The following LRRC7 variants were observed in gnomAD, a reference collection of about 807,000 sequenced individuals.
The protein encoded by LRRC7 is leucine rich repeat containing 7.
In LRRC7, 23 loss-of-function variants were observed where a neutral mutation model predicts 175.7. That is an observed-to-expected ratio of 0.13 (90% confidence interval 0.09 to 0.19). The LOEUF (loss-of-function observed/expected upper bound fraction) is 0.19. Ranked by LOEUF, LRRC7 falls within the 10% of genes least tolerant of loss-of-function variation. The pLI is 1.00. For synonymous variants in LRRC7, 685 were observed against 680.9 expected, an observed-to-expected ratio of 1.01 and a Z score of -0.09; for missense variants, 1,354 against 1,904.7, an observed-to-expected ratio of 0.71 and a Z score of 5.38.
intron 2 of LRRC7, among the ~76,000 whole-genome samples, chr1:69,693,153 T>C (rs924686012): frequency 6.6e-6 from 1 of 152,218 alleles, no homozygotes; most frequent in Non-Finnish European, 1.5e-5. Context: ...ACCTCTATAA[T>C]TGGTTGAACC....
intron 2 of LRRC7, among the ~76,000 whole-genome samples, chr1:69,688,618 G>C (rs939381234): frequency 6.8e-6 from 1 of 147,400 alleles, no homozygotes; most frequent in African/African-American, 2.5e-5. Context: ...CTGTTTCTTG[G>C]ATTCTTTTTA....
chr1:69,801,258 C>T (rs1009494185), intron 4 of LRRC7, among the ~76,000 whole-genome samples: 1 of 151,660 alleles, frequency 6.6e-6, no homozygotes. Context: ...TTCCTTCCTC[C>T]TCAAGTTTTT....
chr1:70,011,216 T>G (rs1656474741), intron 11 of LRRC7, among the ~76,000 whole-genome samples: 1 of 152,310 alleles, frequency 6.6e-6, no homozygotes, highest in Middle Eastern at 3.4e-3. Flanking sequence ...TTCCCAGAGT[T>G]GTTATTTTGT....
intron 7 of LRRC7, chr1:69,873,625 T>C (rs1287970593): frequency 2.4e-6 from 1 of 421,462 alleles, no homozygotes; most frequent in East Asian, 6.1e-5. Flanking sequence ...TCTCCCAAAC[T>C]ATATTATGAA....
intron 4 of LRRC7, among the ~76,000 whole-genome samples, chr1:69,824,465 G>T (rs995823693): frequency 4.6e-5 from 7 of 152,030 alleles, no homozygotes; most frequent in Non-Finnish European, 2.9e-5. Context: ...ACTTTTGGAG[G>T]CTCTTATTTA....
intron 1 of LRRC7, among the ~76,000 whole-genome samples, chr1:69,569,793 G>A (rs1645661284): frequency 6.6e-6 from 1 of 151,428 alleles, no homozygotes; most frequent in Admixed American, 6.6e-5. Flanking sequence ...AGAGGGCACA[G>A]CTCGAGGCAG....
chr1:69,937,725 T>C (rs1271666526), intron 8 of LRRC7, among the ~76,000 whole-genome samples: 1 of 152,008 alleles, frequency 6.6e-6, no homozygotes, highest in East Asian at 1.9e-4. Flanking sequence ...TTGGATTAAA[T>C]AGAAATATGA....
chr1:70,020,995 C>G lies in LRRC7; in HGVS notation c.1421-10C>G. ...TAAAAAAACAATAATACTTTGGAAT[C>G]TAACTGTAGATTTCCAGTCAGACAG... On this transcript the variant is annotated splice_polypyrimidine_tract_variant and intron_variant, in intron 15 of 26. Transcript: ENST00000651989. The G allele has an allele frequency of 6.3e-7, 1 of 1,593,640 alleles. No homozygotes were observed. Among genetic ancestry groups the G allele is most frequent in the Non-Finnish European group, 8.5e-7 (1 of 1,172,330 alleles).
chr1:69,587,693 G>A (rs1422465529), intron 1 of LRRC7, among the ~76,000 whole-genome samples: 1 of 152,152 alleles, frequency 6.6e-6, no homozygotes, highest in Non-Finnish European at 1.5e-5. Flanking sequence ...TCTTGTGATA[G>A]TGAGGGAGAG....
At chr1:69,704,053 T>C (rs1663714659) in intron 2 of LRRC7, among the ~76,000 whole-genome samples, 3 of 152,004 alleles carry the variant, frequency 2.0e-5, no homozygotes, top group Admixed American at 2.0e-4. Context: ...AGAAAATTTA[T>C]AAACTATACT....
At chr1:70,028,726 A>G (rs963620584) in intron 18 of LRRC7, among the ~76,000 whole-genome samples, 1 of 152,152 alleles carries the variant, frequency 6.6e-6, no homozygotes, top group Non-Finnish European at 1.5e-5. Flanking sequence ...AAGGTTTTCT[A>G]TTATGCAAAT....
intron 7 of LRRC7, among the ~76,000 whole-genome samples, chr1:69,927,258 A>G (rs1249936678): frequency 6.6e-6 from 1 of 151,946 alleles, no homozygotes; most frequent in Non-Finnish European, 1.5e-5. Flanking sequence ...CTTCATTTCA[A>G]CTTTGGTGAA....
intron 26 of LRRC7, among the ~76,000 whole-genome samples, chr1:70,120,596 T>C (rs1482662539): frequency 6.6e-6 from 1 of 152,088 alleles, no homozygotes; most frequent in Non-Finnish European, 1.5e-5. Flanking sequence ...GTCTAATTAT[T>C]AAGTGATTGG....
chr1:69,791,961 A>G, intron 3 of LRRC7, 82 bp from the exon 4 acceptor site: 1 of 878,482 alleles, frequency 1.1e-6, no homozygotes, highest in Non-Finnish European at 1.8e-6. Context: ...ATATATAAAC[A>G]TGGTGACTTT....
chr1:69,781,920 G>GAA (rs1553155312), intron 3 of LRRC7, among the ~76,000 whole-genome samples: 3 of 92,396 alleles, frequency 3.2e-5, no homozygotes, highest in Non-Finnish European at 6.7e-5. Flanking sequence ...AAAGAAGAAA[G>GAA]AAAGAAAGAA....
chr1:70,047,863 G>A (rs935704236), intron 22 of LRRC7, among the ~76,000 whole-genome samples: 1 of 151,960 alleles, frequency 6.6e-6, no homozygotes, highest in African/African-American at 2.4e-5. Context: ...TTATTTAGAT[G>A]CTTATGCTAA....
At chr1:70,001,517 AC>A (rs1655519324) in intron 11 of LRRC7, among the ~76,000 whole-genome samples, 2 of 152,178 alleles carry the variant, frequency 1.3e-5, no homozygotes, top group South Asian at 4.1e-4. Flanking sequence ...AAATGGCCAA[AC>A]GATTTATGTT....
chr1:69,888,404 C>A (rs1428271283), intron 7 of LRRC7, among the ~76,000 whole-genome samples: 1 of 152,166 alleles, frequency 6.6e-6, no homozygotes, highest in Non-Finnish European at 1.5e-5. Flanking sequence ...TCACCCCTTT[C>A]TTTGACTTGG....
intron 7 of LRRC7, among the ~76,000 whole-genome samples, chr1:69,923,502 T>C (rs1646957571): frequency 6.6e-6 from 1 of 152,150 alleles, no homozygotes; most frequent in South Asian, 2.1e-4. Flanking sequence ...TTTTTAATGA[T>C]TGCCATTCTA....
Sources: gnomAD v4.1 joint callset for allele counts (sites outside exome capture counted in the v4.1 genomes callset) on GRCh38, gnomAD v4.1.1 for gene constraint, MANE v1.5 for transcripts, NCBI Gene and HGNC (gene_info 2026-07-23, HGNC 2026-07-21) for gene names.